Variants in ANK3 observed in about 807,000 individuals in gnomAD.
The protein encoded by ANK3 is ankyrin-3.
A neutral mutation model predicts 370.9 loss-of-function variants in ANK3; 57 were observed. That is an observed-to-expected ratio of 0.15 (90% confidence interval 0.12 to 0.19). The LOEUF (loss-of-function observed/expected upper bound fraction) is 0.19. ANK3 is among the 10% of genes least tolerant of loss of function. The pLI, the probability that ANK3 is intolerant of heterozygous loss-of-function variation, is 1.00. For missense variants in ANK3, 4,439 were observed against 5,302.1 expected, an observed-to-expected ratio of 0.84 and a Z score of 5.06; for synonymous variants, 1,929 against 1,946.3, an observed-to-expected ratio of 0.99 and a Z score of 0.23.
At chr10:60,250,558 A>AAG (rs2097644458) in intron 7 of ANK3, among the ~76,000 whole-genome samples, 2 of 151,686 alleles carry the variant, frequency 1.3e-5, no homozygotes, top group East Asian at 1.9e-4. Context: ...GTAGAGACGG[A>AAG]GTTTCACCAT....
At chr10:60,234,159 T>A (rs1334329816) in intron 8 of ANK3, among the ~76,000 whole-genome samples, 1 of 152,236 alleles carries the variant, frequency 6.6e-6, no homozygotes, top group Non-Finnish European at 1.5e-5. Context: ...TTTGGGCTGC[T>A]TTTACCTCTT....
At chr10:60,396,687 ACT>A (rs2063247047) in intron 2 of ANK3, among the ~76,000 whole-genome samples, 2 of 152,056 alleles carry the variant, frequency 1.3e-5, no homozygotes, top group Admixed American at 1.3e-4. Context: ...AATTCAATAA[ACT>A]CTCGTAATTT....
At chr10:60,632,218 C>T (rs1002395729) in intron 1 of ANK3, among the ~76,000 whole-genome samples, 3 of 152,132 alleles carry the variant, frequency 2.0e-5, no homozygotes, top group African/African-American at 7.2e-5. Flanking sequence ...AATTGATATG[C>T]TACCTATTTA....
At chr10:60,347,295 T>G (rs911126551) in intron 1 of ANK3, among the ~76,000 whole-genome samples, 3 of 151,964 alleles carry the variant, frequency 2.0e-5, no homozygotes, top group African/African-American at 7.2e-5. Flanking sequence ...TAAGGGAACA[T>G]CAGCTTGATT....
intron 1 of ANK3, among the ~76,000 whole-genome samples, chr10:60,716,396 A>T (rs1381853408): frequency 1.3e-5 from 2 of 152,064 alleles, no homozygotes; most frequent in African/African-American, 2.4e-5. Flanking sequence ...TTAAAAAAAA[A>T]TTTCAAAGAC....
Position 60,453,447 on chromosome 10 carries a change from T to G in ANK3, c.96+161739A>C, listed in dbSNP as rs191344366. Among the ~76,000 whole-genome samples the G allele has an allele frequency of 2.0e-4, 30 of 152,332 alleles. No individual in the cohort carries two copies. The South Asian group carries it at 6.2e-3, about 32-fold the overall frequency. ...CATTTAAATAGTCTTCGTGGTGTTC[T>G]GTTCTCAAAGAAAATTAAAATGTGT... On this transcript the variant is annotated intron_variant, in intron 2 of 43. Coordinates refer to the ANK3 transcript ENST00000373827.
At chr10:60,418,426 C>A (rs977086060) in intron 2 of ANK3, among the ~76,000 whole-genome samples, 9 of 152,084 alleles carry the variant, frequency 5.9e-5, no homozygotes, top group African/African-American at 2.2e-4. Flanking sequence ...GCCCAAGTAC[C>A]CTTTGTCTTT....
chr10:60,157,543 C>A (rs995935638), intron 23 of ANK3, among the ~76,000 whole-genome samples: 2 of 151,722 alleles, frequency 1.3e-5, no homozygotes, highest in African/African-American at 4.8e-5. Context: ...CCCTATGTTG[C>A]CCAAGCTAGC....
chr10:60,216,949 T>C lies in ANK3; in HGVS notation c.898-3439A>G, dbSNP rs1565749194. On this transcript the variant is annotated intron_variant, in intron 8 of 43. Transcript: ENST00000280772. ...ATTACTGCCCCAATTTCAGAACTCG[T>C]TATTGGTCTATTCAGGGATTCAATA... 3.9e-5 allele frequency among the ~76,000 whole-genome samples: 6 copies of C among 152,282 alleles called. No individual in the cohort carries two copies. In the South Asian group the frequency reaches 1.2e-3, roughly 32 times the overall value.
chr10:60,082,220 TG>T (rs1382737039), intron 34 of ANK3, 44 bp from the exon 35 acceptor site: 6 of 1,531,036 alleles, frequency 3.9e-6, no homozygotes, highest in Non-Finnish European at 5.4e-6. Flanking sequence ...AATATTATAA[TG>T]GACAGCAGGG....
chr10:60,308,186 C>T (rs1331369418), intron 1 of ANK3, among the ~76,000 whole-genome samples: 1 of 151,288 alleles, frequency 6.6e-6, no homozygotes, highest in Non-Finnish European at 1.5e-5. Context: ...TTCATTAGAA[C>T]ATATTCTACT....
chr10:60,443,789 C>T (rs1037680547), intron 2 of ANK3, among the ~76,000 whole-genome samples: 1 of 152,146 alleles, frequency 6.6e-6, no homozygotes, highest in Non-Finnish European at 1.5e-5. Flanking sequence ...CTTCTTCCTA[C>T]TCTTCAAAGC....
intron 1 of ANK3, among the ~76,000 whole-genome samples, chr10:60,645,522 T>C (rs1370693463): frequency 6.6e-6 from 1 of 152,078 alleles, no homozygotes; most frequent in South Asian, 2.1e-4. Context: ...GGTCAGGAGT[T>C]CGAGACTAGC....
chr10:60,064,110 T>C (rs1222739604), intron 39 of ANK3, 47 bp downstream of exon 39: 4 of 1,500,884 alleles, frequency 2.7e-6, no homozygotes, highest in South Asian at 1.4e-5. Flanking sequence ...TCTAAAATAT[T>C]ACATTTATGC....
intron 1 of ANK3, among the ~76,000 whole-genome samples, chr10:60,325,366 A>G (rs2049589108): frequency 6.6e-6 from 1 of 152,200 alleles, no homozygotes; most frequent in South Asian, 2.1e-4. Context: ...CTTTTGGCCA[A>G]TGGGTGGTAG....
chr10:60,711,124 T>C (rs1054078170), intron 1 of ANK3, among the ~76,000 whole-genome samples: 3 of 152,158 alleles, frequency 2.0e-5, no homozygotes, highest in Non-Finnish European at 4.4e-5. Flanking sequence ...CATTACATGT[T>C]CTAATGGGAA....
At chr10:60,587,194 C>T (rs2077844258) in intron 2 of ANK3, among the ~76,000 whole-genome samples, 1 of 152,118 alleles carries the variant, frequency 6.6e-6, no homozygotes, top group Non-Finnish European at 1.5e-5. Flanking sequence ...CTCACTCACT[C>T]TCAAGAGAAC....
intron 42 of ANK3, among the ~76,000 whole-genome samples, chr10:60,047,791 T>TA (rs1300422876): frequency 8.5e-5 from 13 of 152,242 alleles, no homozygotes; most frequent in African/African-American, 3.1e-4. Flanking sequence ...CCTTTGCAGT[T>TA]ACTGGATTTG....
At chr10:60,229,715 T>C (rs1592105452) in intron 8 of ANK3, among the ~76,000 whole-genome samples, 1 of 152,292 alleles carries the variant, frequency 6.6e-6, no homozygotes. Flanking sequence ...TACGTTACCA[T>C]AGGACCAGTA....
Sources: gnomAD v4.1 joint callset for allele counts (sites outside exome capture counted in the v4.1 genomes callset) on GRCh38, gnomAD v4.1.1 for gene constraint, MANE v1.5 for transcripts, NCBI Gene and HGNC (gene_info 2026-07-23, HGNC 2026-07-21) for gene names.